The following FAM53A variants were observed in gnomAD, a reference collection of about 807,000 sequenced individuals.
FAM53A encodes the protein family with sequence similarity 53 member A, also known as protein FAM53A.
FAM53A carries 28 observed loss-of-function variants against 26.6 expected under a neutral mutation model. The observed-to-expected ratio is 1.05, with a 90% CI of 0.78 to 1.45. The LOEUF is 1.45. FAM53A is among the 40% of genes most tolerant of loss of function. The probability of loss-of-function intolerance (pLI) is 0.00; values close to 1 mark genes in which losing one functional copy is unlikely to be tolerated. For synonymous variants in FAM53A, 290 were observed against 253.1 expected, an observed-to-expected ratio of 1.15 and a Z score of -1.38; for missense variants, 650 against 575.8, an observed-to-expected ratio of 1.13 and a Z score of -1.32.
At chr4:1,579,638 CA>C in the FAM53A span, among the ~76,000 whole-genome samples, 1 of 152,220 alleles carries the variant, frequency 6.6e-6, no homozygotes, top group Non-Finnish European at 1.5e-5. Context: ...GGCTGCCTCC[CA>C]GCGCCGCTGC....
At chr4:1,683,092 C>T (rs1253717771) in intron 1 of FAM53A, among the ~76,000 whole-genome samples, 1 of 152,222 alleles carries the variant, frequency 6.6e-6, no homozygotes, top group Non-Finnish European at 1.5e-5. Context: ...GGAGGCGGGA[C>T]AATGGCGCCG....
At chr4:1,591,572 G>A in the FAM53A span, among the ~76,000 whole-genome samples, 25 of 152,216 alleles carry the variant, frequency 1.6e-4, no homozygotes, top group African/African-American at 5.5e-4. Context: ...AGGCCCACCT[G>A]CACATCAAAT....
At chr4:1,663,523 C>A (rs984631377) in intron 2 of FAM53A, among the ~76,000 whole-genome samples, 1 of 152,162 alleles carries the variant, frequency 6.6e-6, no homozygotes, top group Non-Finnish European at 1.5e-5. Context: ...CGAACCTGAT[C>A]GAGCTTCGAG....
At chr4:1,591,678 G>A in the FAM53A span, among the ~76,000 whole-genome samples, 1,851 of 152,302 alleles carry the variant, frequency 0.012, 29 homozygotes, top group African/African-American at 0.042. Context: ...CCTACTTTCA[G>A]CTCCTTCTGG....
At chr4:1,605,447 T>G in the FAM53A span, among the ~76,000 whole-genome samples, 1 of 152,094 alleles carries the variant, frequency 6.6e-6, no homozygotes. This position sits in a 1 kb window ranked among gnomAD's most constrained non-coding sequence, Gnocchi z 5.7. Flanking sequence ...GCACCCAGCT[T>G]CCAGGGGCTG....
chr4:1,587,250 T>C, the FAM53A span, among the ~76,000 whole-genome samples: 104,637 of 152,072 alleles, frequency 0.69, 36,260 homozygotes, highest in East Asian at 0.81. Flanking sequence ...GTGACATACT[T>C]CCAATTATCT....
intron 3 of FAM53A, 79 bp downstream of exon 3, chr4:1,657,329 T>G: frequency 1.5e-6 from 2 of 1,322,456 alleles, no homozygotes; most frequent in Non-Finnish European, 2.1e-6. Flanking sequence ...GCTCATGTTC[T>G]GCGTCCAGGA....
the FAM53A span, among the ~76,000 whole-genome samples, chr4:1,610,359 GC>G: frequency 1.3e-5 from 2 of 152,222 alleles, no homozygotes; most frequent in Non-Finnish European, 2.9e-5. Context: ...CACCGCCCGT[GC>G]AGGGGAGCCC....
chr4:1,592,771 T>C, the FAM53A span, among the ~76,000 whole-genome samples: 1 of 152,074 alleles, frequency 6.6e-6, no homozygotes, highest in South Asian at 2.1e-4. Context: ...AGGCAGCCCC[T>C]GCCATCGCTG....
intron 1 of FAM53A, among the ~76,000 whole-genome samples, chr4:1,631,615 C>T (rs1413095225): frequency 3.3e-5 from 5 of 152,158 alleles, no homozygotes; most frequent in East Asian, 1.9e-4. Flanking sequence ...GCCTCTGAGA[C>T]GCCCCAGAGA....
chr4:1,575,962 A>T, the FAM53A span, among the ~76,000 whole-genome samples: 3 of 152,262 alleles, frequency 2.0e-5, no homozygotes, highest in South Asian at 6.2e-4. Flanking sequence ...GGGCAGTGTG[A>T]GAATTCCACA....
intron 4 of FAM53A, among the ~76,000 whole-genome samples, chr4:1,652,617 A>G (rs1271948162): frequency 5.5e-5 from 8 of 145,982 alleles, no homozygotes; most frequent in African/African-American, 1.8e-4. Flanking sequence ...CTCACCACAC[A>G]CACACACACC....
intron 1 of FAM53A, among the ~76,000 whole-genome samples, chr4:1,671,563 A>G (rs1332393999): frequency 9.8e-6 from 1 of 101,688 alleles, no homozygotes; most frequent in Non-Finnish European, 2.1e-5. Flanking sequence ...TCACAGCCAC[A>G]GCCACAGCCG....
chr4:1,655,195 G>A lies in FAM53A; in HGVS notation c.665C>T (p.Pro222Leu), dbSNP rs778082852. The change falls in exon 4 of 5, where the codon CCG (proline) becomes CTG (leucine). Residue 222 changes from proline to leucine, a missense_variant. By Grantham distance (98) the Pro-to-Leu change is moderately conservative. Coordinates refer to ENST00000308132, the MANE Select transcript of FAM53A (RefSeq NM_001174070.3). ...CGCGAGTCGCTCCTGTGAGAGGGAC[G>A]GGCGGCGCCTCGTGGAGGGCAAGCA... ...ESCLPSTRRR[P>L]SLSQERLAGA... 1.6e-5 allele frequency: 25 copies of A among 1,561,690 alleles called. No individual in the cohort carries two copies. Among genetic ancestry groups the A allele is most frequent in the Middle Eastern group, 1.8e-4 (1 of 5,712 alleles).
At chr4:1,584,259 G>A in the FAM53A span, among the ~76,000 whole-genome samples, 8 of 143,060 alleles carry the variant, frequency 5.6e-5, no homozygotes, top group South Asian at 1.7e-3. Flanking sequence ...TCCTATCCAA[G>A]GTCACAAAGA....
rs1035479514 is a variant in FAM53A, at chr4:1,644,490, C to T, written c.883-2883G>A. Reference sequence around the variant, plus strand: ...CACACGGAACTGAAGGGGCCACCCACGCTGTAGAGACGGTGGAAACCGAGG... The same window carrying T: ...CACACGGAACTGAAGGGGCCACCCATGCTGTAGAGACGGTGGAAACCGAGG... On this transcript the variant is annotated intron_variant, in intron 4 of 4. Transcript: ENST00000308132. The T allele has an allele frequency of 1.6e-5, 17 of 1,044,402 alleles. No individual in the cohort carries two copies. In the Admixed American group the frequency reaches 2.2e-4, roughly 14 times the overall value. The allele number at this position is 1,044,402 out of a possible 1,614,324, so 64.7% of individuals were successfully genotyped here.
At chr4:1,614,853 G>A (rs560639792), downstream of FAM53A, among the ~76,000 whole-genome samples, 5 of 152,202 alleles carry the variant, frequency 3.3e-5, no homozygotes, top group African/African-American at 7.2e-5. Context: ...GAGGCAGGTC[G>A]CCCCACACGC....
At chr4:1,602,766 CA>C in the FAM53A span, among the ~76,000 whole-genome samples, 1 of 152,130 alleles carries the variant, frequency 6.6e-6, no homozygotes, top group South Asian at 2.1e-4. Context: ...TCCCGGAACC[CA>C]GGGGTCTCGG....
At position 1,655,554 on chromosome 4, in the gene FAM53A, G is replaced by A. The variant is rs79735962; in HGVS notation, c.306C>T (p.Thr102=). 0.32 allele frequency: 498,101 copies of A among 1,564,618 alleles called. 84,491 individuals carry two copies. The highest frequency in any genetic ancestry group is 0.45 in the Middle Eastern group (2,633 of 5,862). The part of the protein sequence containing the change: ...RPGAGLGAAS[T]VDPSESTGSS... ...AGCCTGTGCTTTCACTGGGGTCCACGGTGCTGGCTGCACCCAGGCCTGCGC... is the reference window on the plus strand; with the variant it reads ...AGCCTGTGCTTTCACTGGGGTCCACAGTGCTGGCTGCACCCAGGCCTGCGC... The change falls in exon 4 of 5, where the codon ACC becomes ACT. Residue 102 remains threonine (T), a synonymous_variant. Transcript: ENST00000308132.
Sources: gnomAD v4.1 joint callset for allele counts (sites outside exome capture counted in the v4.1 genomes callset) on GRCh38, gnomAD v4.1.1 for gene constraint, Gnocchi (gnomAD v3.1) non-coding constraint, MANE v1.5 for transcripts, NCBI Gene and HGNC (gene_info 2026-07-23, HGNC 2026-07-21) for gene names.